Variants in MAP3K20 observed in about 807,000 individuals in gnomAD.
The protein encoded by MAP3K20 is HCCS-4.
In MAP3K20, 40 loss-of-function variants were observed where a neutral mutation model predicts 85.7. The ratio of observed to expected loss-of-function variants is 0.47; its 90% CI spans 0.36 to 0.61. MAP3K20 has a LOEUF of 0.61. Ranked by LOEUF, MAP3K20 falls within the 20% of genes least tolerant of loss-of-function variation. The probability of loss-of-function intolerance (pLI) is 0.00; values close to 1 mark genes in which losing one functional copy is unlikely to be tolerated. For synonymous variants in MAP3K20, 325 were observed against 327.7 expected (o/e 0.99, Z 0.09); for missense variants, 817 against 961.7 (o/e 0.85, Z 1.99).
chr2:173,094,639 A>T (rs61032750), intron 2 of MAP3K20, among the ~76,000 whole-genome samples: 1 of 152,082 alleles, frequency 6.6e-6, no homozygotes, highest in South Asian at 2.1e-4. Flanking sequence ...AGTGTTTTGT[A>T]TAATGTCCCT....
chr2:173,204,864 G>C (rs1185344422), intron 9 of MAP3K20, among the ~76,000 whole-genome samples: 1 of 152,152 alleles, frequency 6.6e-6, no homozygotes, highest in African/African-American at 2.4e-5. Flanking sequence ...AGCACTTTGG[G>C]AGGCAGAGGC....
At chr2:173,180,422 C>T (rs1195878980) in intron 3 of MAP3K20, among the ~76,000 whole-genome samples, 1 of 152,124 alleles carries the variant, frequency 6.6e-6, no homozygotes, top group Admixed American at 6.6e-5. Context: ...CCTGTAATTC[C>T]AGCACTGTAG....
At chr2:173,163,120 AAAACAAGCTTTT>A (rs1156729115) in intron 2 of MAP3K20, among the ~76,000 whole-genome samples, 1 of 152,256 alleles carries the variant, frequency 6.6e-6, no homozygotes, top group African/African-American at 2.4e-5. Flanking sequence ...CAAAAGGTGT[AAAACAAGCTTTT>A]TAACTTTTAG....
intron 2 of MAP3K20, among the ~76,000 whole-genome samples, chr2:173,148,211 T>G (rs571347173): frequency 5.9e-5 from 9 of 152,320 alleles, no homozygotes; most frequent in African/African-American, 1.2e-4. Context: ...CGTCTGTCTT[T>G]GTTGGCTAAC....
In MAP3K20 at chr2:173,223,242, G is replaced by A. The variant is rs1032355436; in HGVS notation, c.987+5992G>A. 5 of 985,006 alleles carry A rather than the reference G, an allele frequency of 5.1e-6. No individual in the cohort carries two copies. In the African/African-American group the frequency reaches 8.7e-5, roughly 17 times the overall value. 61.0% of individuals were successfully genotyped at this position (985,006 alleles called of 1,614,324 possible). On this transcript the variant is annotated intron_variant, in intron 11 of 19. Coordinates refer to ENST00000375213, the MANE Select transcript of MAP3K20 (RefSeq NM_016653.3). ...CATAGTGATGAAGAAAGGGATCAGA[G>A]TCTGACTGTCACTCAGAATCCTGGG... is the stretch of plus-strand genomic sequence containing the variant.
intron 2 of MAP3K20, among the ~76,000 whole-genome samples, chr2:173,134,193 CTT>C (rs1351658012): frequency 6.1e-5 from 8 of 130,400 alleles, no homozygotes; most frequent in Admixed American, 7.9e-5. Flanking sequence ...CAATAGCTAT[CTT>C]TTTTTTTTTT....
chr2:173,125,056 A>T (rs1321996766), intron 2 of MAP3K20, among the ~76,000 whole-genome samples: 1 of 152,252 alleles, frequency 6.6e-6, no homozygotes. Context: ...TACAGGGTCC[A>T]GCTCAAGTAC....
chr2:173,138,171 A>G (rs1280562203), intron 2 of MAP3K20, among the ~76,000 whole-genome samples: 1 of 152,074 alleles, frequency 6.6e-6, no homozygotes, highest in Admixed American at 6.5e-5. Context: ...GGGTTTCATT[A>G]TGTTAGCCAA....
rs1477758293 is a variant in MAP3K20, at chr2:173,236,047, C to T, written c.1204-2326C>T. 2.0e-5 allele frequency among the ~76,000 whole-genome samples: 3 copies of T among 152,158 alleles called. No homozygotes were observed. The East Asian group carries it at 5.8e-4, about 29-fold the overall frequency. On this transcript the variant is annotated intron_variant, in intron 14 of 19. Transcript: ENST00000375213. ...TTGGGAGGTCAAGGTGGGCAACTCACTTGAAACCAGGAGTTCAAGACCAGA... is the reference window on the plus strand; with the variant it reads ...TTGGGAGGTCAAGGTGGGCAACTCATTTGAAACCAGGAGTTCAAGACCAGA...
chr2:173,096,726 T>TG (rs1687473835), intron 2 of MAP3K20, among the ~76,000 whole-genome samples: 1 of 152,254 alleles, frequency 6.6e-6, no homozygotes, highest in East Asian at 1.9e-4. Flanking sequence ...GAGTGTTTAA[T>TG]GTTTACTTTC....
chr2:173,106,621 G>C (rs1301571688), intron 2 of MAP3K20, among the ~76,000 whole-genome samples: 1 of 152,170 alleles, frequency 6.6e-6, no homozygotes, highest in African/African-American at 2.4e-5. Flanking sequence ...ATTTCTTCAG[G>C]GTTGTGGTTT....
chr2:173,126,250 C>A (rs542196068), intron 2 of MAP3K20, among the ~76,000 whole-genome samples: 1 of 151,930 alleles, frequency 6.6e-6, no homozygotes, highest in Non-Finnish European at 1.5e-5. Flanking sequence ...TATATAGTTG[C>A]GGCAGAGAAA....
intron 2 of MAP3K20, among the ~76,000 whole-genome samples, chr2:173,117,211 G>C (rs1313555682): frequency 6.6e-6 from 1 of 152,236 alleles, no homozygotes; most frequent in African/African-American, 2.4e-5. Flanking sequence ...TGTTTAAGGT[G>C]AGTCTCTTAA....
chr2:173,199,339 T>C (rs1409626160), intron 8 of MAP3K20, among the ~76,000 whole-genome samples: 2 of 152,194 alleles, frequency 1.3e-5, no homozygotes, highest in African/African-American at 2.4e-5. Flanking sequence ...GAGCTGCCAA[T>C]TTAAGAAATG....
At position 173,128,041 on chromosome 2, in the gene MAP3K20, A is replaced by G. The variant is rs552158704; in HGVS notation, c.159+36851A>G. Among the ~76,000 whole-genome samples the G allele has an allele frequency of 2.0e-5, 3 of 152,118 alleles. No homozygotes were observed. The East Asian group carries it at 5.8e-4, about 29-fold the overall frequency. ...TCCCTCTGTCAAATGAACCATACCT[A>G]TTTTTTTCTCATATCTCATACCAGT... On this transcript the variant is annotated intron_variant, in intron 2 of 19. Transcript: ENST00000375213.
intron 11 of MAP3K20, among the ~76,000 whole-genome samples, chr2:173,227,593 T>A (rs997459970): frequency 4.6e-5 from 7 of 152,226 alleles, no homozygotes. Context: ...AGGCATCGTA[T>A]TGGAGAACCA....
intron 2 of MAP3K20, among the ~76,000 whole-genome samples, chr2:173,153,587 C>T (rs1195076173): frequency 6.6e-6 from 1 of 152,170 alleles, no homozygotes; most frequent in Non-Finnish European, 1.5e-5. Flanking sequence ...CCTTTAAGTT[C>T]TAACTTATGG....
chr2:173,193,703 A>G (rs778881611), intron 7 of MAP3K20, among the ~76,000 whole-genome samples: 5 of 152,138 alleles, frequency 3.3e-5, no homozygotes, highest in Admixed American at 1.3e-4. Context: ...GTTTGAGTCA[A>G]CCTTTCTGGA....
At chr2:173,133,442 G>A (rs548317340) in intron 2 of MAP3K20, among the ~76,000 whole-genome samples, 1 of 152,316 alleles carries the variant, frequency 6.6e-6, no homozygotes, top group African/African-American at 2.4e-5. Context: ...TTCAGGGACT[G>A]TGGCATCTGT....
Sources: allele counts gnomAD v4.1 joint callset (sites outside exome capture counted in the v4.1 genomes callset), GRCh38; gene constraint gnomAD v4.1.1; transcripts MANE v1.5; gene names NCBI Gene and HGNC (gene_info 2026-07-23, HGNC 2026-07-21).